Variants in CASS4 observed in about 807,000 individuals in gnomAD.
CASS4 encodes cas scaffolding protein family member 4.
CASS4 carries 22 observed loss-of-function variants against 54.2 expected under a neutral mutation model. The observed-to-expected ratio is 0.41, with a 90% CI of 0.29 to 0.58. The LOEUF is 0.58. Among genes scored for constraint, CASS4 ranks in the 20% least tolerant of loss-of-function variants. The probability of loss-of-function intolerance (pLI) is 0.36; values close to 1 mark genes in which losing one functional copy is unlikely to be tolerated. For missense variants in CASS4, 854 were observed against 986.7 expected, an observed-to-expected ratio of 0.87 and a Z score of 1.80; for synonymous variants, 409 against 391.5, an observed-to-expected ratio of 1.04 and a Z score of -0.53.
intron 2 of CASS4, among the ~76,000 whole-genome samples, chr20:56,442,044 C>T (rs961402936): frequency 2.7e-5 from 4 of 149,028 alleles, no homozygotes; most frequent in East Asian, 1.9e-4. Flanking sequence ...TGTTGGTAGA[C>T]GGGGCAACTC....
intron 2 of CASS4, among the ~76,000 whole-genome samples, chr20:56,439,355 CAG>C (rs1340912023): frequency 6.6e-6 from 1 of 151,490 alleles, no homozygotes; most frequent in Non-Finnish European, 1.5e-5. Flanking sequence ...TTTTTAAAAA[CAG>C]AGGAAAAAGA....
Position 56,437,195 on chromosome 20 carries a change from G to A in CASS4, c.68G>A (p.Cys23Tyr). 1 of 1,587,686 alleles carries A rather than the reference G, an allele frequency of 6.3e-7. No homozygotes were observed. The highest frequency in any genetic ancestry group is 8.6e-7 in the Non-Finnish European group (1 of 1,164,660). Residue 23 changes from cysteine (C) to tyrosine (Y), a missense_variant, in exon 2 of 6, where the codon TGC becomes TAC. Coordinates refer to ENST00000679887, the MANE Select transcript of CASS4 (RefSeq NM_020356.4). This position sits in a 1 kb window ranked among gnomAD's most constrained non-coding sequence, Gnocchi z 4.7. ...ALLARALYDN[C>Y]PDCSDELAFS... Reference sequence around the variant, plus strand: ...CTGGCCAGGGCACTTTATGACAACTGCCCTGACTGCTCTGACGAGCTGGCT... The same window carrying A: ...CTGGCCAGGGCACTTTATGACAACTACCCTGACTGCTCTGACGAGCTGGCT...
Position 56,452,502 on chromosome 20 carries a change from G to T in CASS4, c.1326G>T (p.Glu442Asp). The change falls in exon 5 of 6, where the codon GAG (glutamate) becomes GAT (aspartate). Residue 442 changes from glutamate (E) to aspartate (D), a missense_variant. Physicochemically the swap from Glu to Asp is conservative, Grantham distance 45. Coordinates refer to ENST00000679887, the MANE Select transcript of CASS4 (RefSeq NM_020356.4). ...CCTTGGACCTGGATGTGGCCAAGGA[G>T]ACAGTGATGGCTCTGCAGCACAAGG... ...ELSLDLDVAK[E>D]TVMALQHKVV... is the part of the protein sequence containing the mutation. 1 of 1,613,884 alleles carries T rather than the reference G, an allele frequency of 6.2e-7. No individual in the cohort carries two copies.
chr20:56,432,977 C>A (rs1335169346), intron 1 of CASS4, among the ~76,000 whole-genome samples: 4 of 152,200 alleles, frequency 2.6e-5, no homozygotes, highest in African/African-American at 4.8e-5. Flanking sequence ...GATTTCTTAC[C>A]TCTTAAAGAC....
chr20:56,419,135 T>C (rs1460500881), intron 1 of CASS4, among the ~76,000 whole-genome samples: 1 of 152,098 alleles, frequency 6.6e-6, no homozygotes, highest in African/African-American at 2.4e-5. Context: ...GTTTTGGAAT[T>C]GCGATGACTA....
At position 56,437,265 on chromosome 20, in the gene CASS4, A is replaced by G. The variant is rs1980221787; in HGVS notation, c.138A>G (p.Pro46=). The G allele has an allele frequency of 1.2e-6, 2 of 1,614,032 alleles. No homozygotes were observed. The highest frequency in any genetic ancestry group is 1.7e-6 in the Non-Finnish European group (2 of 1,179,930). Residue 46 remains proline, a synonymous_variant, in exon 2 of 6, where the codon CCA becomes CCG. Coordinates refer to ENST00000679887, the MANE Select transcript of CASS4 (RefSeq NM_020356.4). The surrounding 1 kb of genome is among the most constrained non-coding windows in gnomAD (Gnocchi z 4.7). ...TGACCATTCTGGAGCAACACGTGCC[A>G]GAAAGCGAGGGTTGGTGGAAGTGTT... ...DILTILEQHV[P]ESEGWWKCLL...
In CASS4 at chr20:56,437,768, C is replaced by A. The variant is rs149030803; in HGVS notation, c.459+182C>A. Among the ~76,000 whole-genome samples, 2 of 152,280 alleles carry A rather than the reference C, an allele frequency of 1.3e-5. No homozygotes were observed. Among genetic ancestry groups the A allele is most frequent in the East Asian group, 3.9e-4 (2 of 5,170 alleles). Reference sequence around the variant, plus strand: ...GGGATGGAGAACTCAGCGGCCTCCACCCCCTTGTCGTTGACACCCTTGGCG... The same window carrying A: ...GGGATGGAGAACTCAGCGGCCTCCAACCCCTTGTCGTTGACACCCTTGGCG... On this transcript the variant is annotated intron_variant, in intron 2 of 5. Transcript: ENST00000679887. The surrounding 1 kb of genome is among the most constrained non-coding windows in gnomAD (Gnocchi z 4.7).
Position 56,435,150 on chromosome 20 carries a change from GT to G in CASS4, c.37-2011del, listed in dbSNP as rs760673902. On this transcript the variant is annotated intron_variant, in intron 1 of 5. Transcript: ENST00000679887. ...GCTTTTTAGATAGACTTGTAGTAGT[GT>G]TTCCCCTAATCCACACAGACCTGCT... Among the ~76,000 whole-genome samples the G allele has an allele frequency of 1.9e-4, 29 of 152,244 alleles. No individual in the cohort carries two copies. The East Asian group carries it at 5.4e-3, about 28-fold the overall frequency.
intron 1 of CASS4, among the ~76,000 whole-genome samples, chr20:56,417,847 GTCCCCCTCCTT>G (rs1456974008): frequency 2.6e-5 from 4 of 152,200 alleles, no homozygotes; most frequent in African/African-American, 4.8e-5. Context: ...CTTGACAATT[GTCCCCCTCCTT>G]GTCCATGGTC....
At chr20:56,445,803 C>A in intron 2 of CASS4, 97 bp from the exon 3 acceptor site, 1 of 954,634 alleles carries the variant, frequency 1.0e-6, no homozygotes, top group Non-Finnish European at 1.6e-6. Flanking sequence ...GCAGTATCCA[C>A]CCAGCTGTCT....
At chr20:56,434,821 A>G (rs1980078260) in intron 1 of CASS4, among the ~76,000 whole-genome samples, 1 of 152,150 alleles carries the variant, frequency 6.6e-6, no homozygotes, top group Non-Finnish European at 1.5e-5. Flanking sequence ...AGATTTTAAA[A>G]CTTTAATGAT....
intron 1 of CASS4, among the ~76,000 whole-genome samples, chr20:56,420,085 T>C (rs1979341075): frequency 6.6e-6 from 1 of 152,064 alleles, no homozygotes; most frequent in Admixed American, 6.5e-5. Context: ...AGGAGATGAG[T>C]GTGGACTGTG....
chr20:56,443,206 G>A (rs2146286983), intron 2 of CASS4, among the ~76,000 whole-genome samples: 1 of 151,368 alleles, frequency 6.6e-6, no homozygotes, highest in South Asian at 2.1e-4. Flanking sequence ...TTCTGGCCTG[G>A]CGCGGTGGCT....
chr20:56,413,259 G>T (rs1363450903), intron 1 of CASS4, among the ~76,000 whole-genome samples: 1 of 151,916 alleles, frequency 6.6e-6, no homozygotes, highest in Non-Finnish European at 1.5e-5. Context: ...GCTCAAGGTT[G>T]TGTTTTCATC....
chr20:56,455,284 GGAAT>G (rs1400239156), intron 5 of CASS4, among the ~76,000 whole-genome samples: 1 of 152,154 alleles, frequency 6.6e-6, no homozygotes, highest in South Asian at 2.1e-4. Context: ...TTAAAGGAAA[GGAAT>G]GAAGCCAGTA....
At chr20:56,420,758 C>G (rs1471895553) in intron 1 of CASS4, among the ~76,000 whole-genome samples, 1 of 151,998 alleles carries the variant, frequency 6.6e-6, no homozygotes, top group Non-Finnish European at 1.5e-5. Flanking sequence ...AGTCAGTAAT[C>G]AATAACAAAC....
rs1981062544 is a variant in CASS4 at position 56,452,309 on chromosome 20, G to T, written c.1133G>T (p.Gly378Val). The T allele has an allele frequency of 6.2e-7, 1 of 1,613,914 alleles. No homozygotes were observed. Among genetic ancestry groups the T allele is most frequent in the Admixed American group, 1.7e-5 (1 of 60,034 alleles). The change falls in exon 5 of 6, where the codon GGC (glycine) becomes GTC (valine). Residue 378 changes from glycine (G) to valine (V), a missense_variant. Physicochemically the swap from Gly to Val is moderately radical, Grantham distance 109 (BLOSUM62 -3). Transcript: ENST00000679887. ...AAGGAGGTGTCAGAGAATTCCGCGG[G>T]CCATAATTCCTCATGGTTCTCCAGA... ...KAKEVSENSA[G>V]HNSSWFSRRT...
rs147345863 is a variant in CASS4 at position 56,437,464 on chromosome 20, T to G, written c.337T>G (p.Tyr113Asp). ...CCGCCCTCCCACTCCAGGCCCCGTT[T>G]ATGAGCAGATGAGGAGTTGGGCGGA... ...LPRPPTPGPV[Y>D]EQMRSWAEGP... Residue 113 changes from tyrosine to aspartate, a missense_variant, in exon 2 of 6, where the codon TAT (tyrosine) becomes GAT (aspartate). Physicochemically the swap from Tyr to Asp is radical, Grantham distance 160. Transcript: ENST00000679887. The surrounding 1 kb of genome is among the most constrained non-coding windows in gnomAD (Gnocchi z 4.7). 1.2e-5 allele frequency: 20 copies of G among 1,613,566 alleles called. No individual in the cohort carries two copies. Among genetic ancestry groups the G allele is most frequent in the Non-Finnish European group, 5.1e-6 (6 of 1,179,860 alleles).
intron 4 of CASS4, 58 bp downstream of exon 4, chr20:56,450,737 A>C (rs1600772531): frequency 1.3e-6 from 2 of 1,542,478 alleles, no homozygotes; most frequent in East Asian, 4.6e-5. Context: ...CCTCTCAGAA[A>C]TGTTATTAGC....
Sources: gnomAD v4.1 joint callset for allele counts (sites outside exome capture counted in the v4.1 genomes callset) on GRCh38, gnomAD v4.1.1 for gene constraint, Gnocchi (gnomAD v3.1) non-coding constraint, MANE v1.5 for transcripts, NCBI Gene and HGNC (gene_info 2026-07-23, HGNC 2026-07-21) for gene names.